Variants in ARNT2 observed in about 807,000 individuals in gnomAD.
ARNT2 encodes the protein aryl hydrocarbon receptor nuclear translocator 2.
ARNT2 carries 36 observed loss-of-function variants against 91.7 expected under a neutral mutation model. The ratio of observed to expected loss-of-function variants is 0.39; its 90% confidence interval spans 0.30 to 0.52. ARNT2 has a LOEUF of 0.52. Ranked by LOEUF, ARNT2 falls within the 20% of genes least tolerant of loss-of-function variation. ARNT2 has a pLI of 0.72. For synonymous variants in ARNT2, 365 were observed against 347.1 expected (o/e 1.05, Z -0.57); for missense variants, 775 against 939.3 (o/e 0.83, Z 2.29).
chr15:80,450,753 C>T lies in ARNT2; in HGVS notation c.32-127C>T, dbSNP rs543623239. ...AGCCACATAGCTGATGATGGCAGAG[C>T]GGCCGCAGGATGCAGGTCCCTGGGC... On this transcript the variant is annotated intron_variant, in intron 1 of 18. Coordinates refer to ENST00000303329, the MANE Select transcript of ARNT2 (RefSeq NM_014862.4). 103 of 877,786 alleles carry T rather than the reference C, an allele frequency of 1.2e-4. 1 individual carries two copies. In the South Asian group the frequency reaches 1.2e-3, roughly 11 times the overall value. 54.4% of individuals were successfully genotyped at this position (877,786 alleles called of 1,614,324 possible).
At chr15:80,420,014 C>T (rs1199524764) in intron 1 of ARNT2, among the ~76,000 whole-genome samples, 1 of 152,100 alleles carries the variant, frequency 6.6e-6, no homozygotes, top group Non-Finnish European at 1.5e-5. Context: ...TGCCAATGGT[C>T]ACAGCACCCG....
chr15:80,492,192 C>A (rs538136144), intron 5 of ARNT2, among the ~76,000 whole-genome samples: 21 of 152,256 alleles, frequency 1.4e-4, no homozygotes, highest in African/African-American at 4.1e-4. Flanking sequence ...AGCCATGCGC[C>A]ACCACGTCTG....
At chr15:80,483,486 C>T (rs1426158429) in intron 5 of ARNT2, among the ~76,000 whole-genome samples, 2 of 151,848 alleles carry the variant, frequency 1.3e-5, no homozygotes, top group Admixed American at 6.6e-5. Context: ...TTGCTGTCCC[C>T]TCTATGCTTG....
chr15:80,514,433 G>A (rs894014050), intron 8 of ARNT2, 28 bp downstream of exon 8: 14 of 1,602,010 alleles, frequency 8.7e-6, no homozygotes, highest in East Asian at 4.5e-5. Flanking sequence ...TAAATTCCAC[G>A]GGAACTGGGT....
chr15:80,565,041 G>A (rs182314045), intron 12 of ARNT2, among the ~76,000 whole-genome samples: 379 of 151,898 alleles, frequency 2.5e-3, no homozygotes, highest in Middle Eastern at 0.02. Flanking sequence ...TCCCACCTCA[G>A]CCTCCCGAGT....
chr15:80,589,577 C>T (rs1469565270), intron 17 of ARNT2, among the ~76,000 whole-genome samples: 1 of 152,194 alleles, frequency 6.6e-6, no homozygotes, highest in East Asian at 1.9e-4. Context: ...GTCCCTCCAC[C>T]CTTCTGCCAA....
chr15:80,425,555 A>ATTTGT (rs924820841), intron 1 of ARNT2, among the ~76,000 whole-genome samples: 2 of 151,996 alleles, frequency 1.3e-5, no homozygotes, highest in African/African-American at 4.8e-5. Context: ...TTTTTTGATC[A>ATTTGT]TTTGTTTTGT....
intron 8 of ARNT2, among the ~76,000 whole-genome samples, chr15:80,533,283 T>G (rs375028627): frequency 2.3e-4 from 35 of 152,126 alleles, no homozygotes; most frequent in African/African-American, 8.2e-4. Context: ...GACTGATCCT[T>G]ACAGGGAAGA....
chr15:80,494,968 G>A (rs1017165026), intron 5 of ARNT2, among the ~76,000 whole-genome samples: 3 of 152,176 alleles, frequency 2.0e-5, no homozygotes, highest in Non-Finnish European at 4.4e-5. Flanking sequence ...ACAGTAGAGG[G>A]ACAAAGGGAT....
intron 8 of ARNT2, among the ~76,000 whole-genome samples, chr15:80,533,890 C>T (rs995951470): frequency 3.3e-5 from 5 of 152,228 alleles, no homozygotes; most frequent in African/African-American, 1.2e-4. Flanking sequence ...CCCCTCATTC[C>T]ATTTTCCTGA....
At chr15:80,566,441 C>T (rs533179807) in intron 12 of ARNT2, among the ~76,000 whole-genome samples, 9 of 152,194 alleles carry the variant, frequency 5.9e-5, no homozygotes, top group Admixed American at 2.6e-4. Flanking sequence ...TCTCCCTGCA[C>T]GTCCCTGGAC....
intron 1 of ARNT2, among the ~76,000 whole-genome samples, chr15:80,429,437 G>C (rs1461874028): frequency 6.6e-6 from 1 of 152,228 alleles, no homozygotes; most frequent in Non-Finnish European, 1.5e-5. Flanking sequence ...GGAGGCGCTC[G>C]CAAGGTGGGG....
intron 8 of ARNT2, among the ~76,000 whole-genome samples, chr15:80,539,346 T>G (rs1897871546): frequency 6.6e-6 from 1 of 152,150 alleles, no homozygotes; most frequent in Admixed American, 6.5e-5. Flanking sequence ...AATCTGCTAA[T>G]GTAAATAATT....
At chr15:80,542,751 G>A (rs941172023) in intron 8 of ARNT2, among the ~76,000 whole-genome samples, 3 of 152,116 alleles carry the variant, frequency 2.0e-5, no homozygotes, top group Admixed American at 6.5e-5. Context: ...CCCTATTACC[G>A]AAAGATCCCT....
At chr15:80,406,707 C>T (rs879786642) in intron 1 of ARNT2, among the ~76,000 whole-genome samples, 5 of 152,180 alleles carry the variant, frequency 3.3e-5, no homozygotes, top group African/African-American at 4.8e-5. Flanking sequence ...GTATTGTTGG[C>T]GTTGCTAGTC....
At chr15:80,479,559 C>T (rs1896855692) in intron 5 of ARNT2, among the ~76,000 whole-genome samples, 1 of 152,164 alleles carries the variant, frequency 6.6e-6, no homozygotes, top group Admixed American at 6.5e-5. Context: ...TTCCTTTCTT[C>T]TCTAACCCTC....
intron 12 of ARNT2, among the ~76,000 whole-genome samples, chr15:80,565,724 G>A (rs1460667601): frequency 6.6e-6 from 1 of 151,378 alleles, no homozygotes; most frequent in Non-Finnish European, 1.5e-5. Flanking sequence ...CTTTTTAATG[G>A]GATTTGTTTT....
At chr15:80,515,025 T>C (rs989208716) in intron 8 of ARNT2, among the ~76,000 whole-genome samples, 2 of 152,084 alleles carry the variant, frequency 1.3e-5, no homozygotes, top group Non-Finnish European at 2.9e-5. Context: ...AAATGATGAG[T>C]GTATCTAAAT....
At chr15:80,411,472 C>T (rs1309799757) in intron 1 of ARNT2, among the ~76,000 whole-genome samples, 1 of 152,180 alleles carries the variant, frequency 6.6e-6, no homozygotes, top group African/African-American at 2.4e-5. Flanking sequence ...ATTTGTGGGT[C>T]TCTGTAACAA....
Sources: allele counts gnomAD v4.1 joint callset (sites outside exome capture counted in the v4.1 genomes callset), GRCh38; gene constraint gnomAD v4.1.1; transcripts MANE v1.5; gene names NCBI Gene and HGNC (gene_info 2026-07-23, HGNC 2026-07-21).